OSTF1: variants seen among roughly 807,000 people sequenced by gnomAD.
OSTF1 encodes osteoclast stimulating factor 1.
In OSTF1, 27 loss-of-function variants were observed where a neutral mutation model predicts 37.2. That is an observed-to-expected ratio of 0.73 (90% confidence interval 0.54 to 1.00). The LOEUF (loss-of-function observed/expected upper bound fraction) is 1.00, where lower values mean the gene tolerates loss of function less well. Ranked by LOEUF, OSTF1 falls within the 50% of genes least tolerant of loss-of-function variation. OSTF1 has a pLI of 0.00. For missense variants in OSTF1, 232 were observed against 253.8 expected (o/e 0.91, Z 0.58); for synonymous variants, 82 against 89.2 (o/e 0.92, Z 0.46).
At chr9:75,090,632 GC>G (rs1461781348) in intron 1 of OSTF1, among the ~76,000 whole-genome samples, 1 of 151,950 alleles carries the variant, frequency 6.6e-6, no homozygotes, top group Non-Finnish European at 1.5e-5. Flanking sequence ...AAACATTACT[GC>G]CAATCAGAGT....
At chr9:75,136,593 C>T (rs921146943) in intron 7 of OSTF1, among the ~76,000 whole-genome samples, 41 of 152,170 alleles carry the variant, frequency 2.7e-4, no homozygotes, top group African/African-American at 9.6e-4. Flanking sequence ...GGTTTCACCA[C>T]GTTAGCCAGG....
chr9:75,120,621 A>G (rs561244751), intron 2 of OSTF1, among the ~76,000 whole-genome samples: 160 of 151,960 alleles, frequency 1.1e-3, no homozygotes, highest in Middle Eastern at 6.8e-3. Context: ...TTGCTTCCTC[A>G]TGACCTGGTT....
chr9:75,127,620 G>T lies in OSTF1; in HGVS notation c.132+1G>T. 11 of 1,541,532 alleles carry T rather than the reference G, an allele frequency of 7.1e-6. No homozygotes were observed. The highest frequency in any genetic ancestry group is 1.8e-5 in the Admixed American group (1 of 55,604). ...TGATATTATCTACATTACTGACATG[G>T]TAAGTCCAGATAACATCTTGTAATA... On this transcript the variant is annotated splice_donor_variant, in intron 3 of 9. Transcript: ENST00000346234. LOFTEE classifies it high-confidence loss of function.
intron 6 of OSTF1, 83 bp from the exon 7 acceptor site, chr9:75,134,259 ATCTC>A (rs1054928649): frequency 1.8e-6 from 1 of 564,900 alleles, no homozygotes. Context: ...CTTCTGAAGA[ATCTC>A]TCTTTTATAA....
At chr9:75,095,896 C>CTT (rs565056095) in intron 1 of OSTF1, among the ~76,000 whole-genome samples, 9 of 146,196 alleles carry the variant, frequency 6.2e-5, no homozygotes, top group Admixed American at 6.8e-5. Context: ...TGTGGCCCCC[C>CTT]TTTTTTTTTT....
chr9:75,094,996 C>A (rs890826550), intron 1 of OSTF1, among the ~76,000 whole-genome samples: 3 of 152,168 alleles, frequency 2.0e-5, no homozygotes, highest in African/African-American at 7.2e-5. Flanking sequence ...TGCCACTGCA[C>A]TCCAGCCTGG....
intron 9 of OSTF1, among the ~76,000 whole-genome samples, chr9:75,146,221 G>A (rs112434493): frequency 1.3e-5 from 2 of 152,042 alleles, no homozygotes; most frequent in African/African-American, 2.4e-5. Flanking sequence ...CTTTATTGTC[G>A]GTGTTTTCTA....
At chr9:75,127,678 C>A in intron 3 of OSTF1, 59 bp downstream of exon 3, 1 of 897,642 alleles carries the variant, frequency 1.1e-6, no homozygotes, top group Non-Finnish European at 1.8e-6. Flanking sequence ...GTAGCTATAA[C>A]ATTGTAAGTT....
chr9:75,089,463 G>T (rs1824905785), intron 1 of OSTF1, among the ~76,000 whole-genome samples: 1 of 151,962 alleles, frequency 6.6e-6, no homozygotes, highest in African/African-American at 2.4e-5. Flanking sequence ...GTTCATTTTT[G>T]CTCTGTTCTT....
At chr9:75,125,520 C>T (rs964080549) in intron 2 of OSTF1, among the ~76,000 whole-genome samples, 7 of 152,064 alleles carry the variant, frequency 4.6e-5, no homozygotes, top group African/African-American at 1.7e-4. Context: ...ATTACAAGGT[C>T]TAGTACATAT....
intron 6 of OSTF1, among the ~76,000 whole-genome samples, chr9:75,134,035 A>G (rs1825806491): frequency 6.6e-6 from 1 of 152,220 alleles, no homozygotes; most frequent in Non-Finnish European, 1.5e-5. Context: ...TCTACTAAAA[A>G]GAAGCCTATC....
In OSTF1 at chr9:75,140,924, A is replaced by G; in HGVS notation, c.578A>G (p.Gln193Arg). 3 of 1,606,450 alleles carry G rather than the reference A, an allele frequency of 1.9e-6. No homozygotes were observed. Among genetic ancestry groups the G allele is most frequent in the Non-Finnish European group, 2.6e-6 (3 of 1,173,160 alleles). Residue 193 changes from glutamine (Q) to arginine (R), a missense_variant, in exon 9 of 10, where the codon CAG becomes CGG. Transcript: ENST00000346234. ...TGTGCATCTCTCCTGAAAAAGAAAC[A>G]GGGAACAGGTATTTGTTTTAAATTC... ...AACASLLKKK[Q>R]GTDAVRTLSN...
chr9:75,131,683 C>G, intron 4 of OSTF1, 87 bp from the exon 5 acceptor site: 1 of 937,140 alleles, frequency 1.1e-6, no homozygotes, highest in Non-Finnish European at 1.8e-6. Context: ...ACTCCTGAAG[C>G]TGGGGGACTG....
intron 9 of OSTF1, among the ~76,000 whole-genome samples, chr9:75,146,189 TCCC>T (rs755078567): frequency 5.9e-5 from 9 of 152,190 alleles, no homozygotes; most frequent in African/African-American, 2.2e-4. Flanking sequence ...TTAAAACTTT[TCCC>T]CCCCATTTCA....
chr9:75,125,548 T>G (rs1825648521), intron 2 of OSTF1, among the ~76,000 whole-genome samples: 1 of 152,238 alleles, frequency 6.6e-6, no homozygotes, highest in South Asian at 2.1e-4. Context: ...TTTCCATAGT[T>G]TGTGCTATGT....
chr9:75,091,148 C>T (rs1824967769), intron 1 of OSTF1, among the ~76,000 whole-genome samples: 2 of 144,372 alleles, frequency 1.4e-5, no homozygotes, highest in African/African-American at 5.2e-5. Flanking sequence ...TGCAGTGGCG[C>T]GATCTCGGCT....
intron 1 of OSTF1, among the ~76,000 whole-genome samples, chr9:75,096,302 T>A (rs1343858180): frequency 6.6e-6 from 1 of 152,136 alleles, no homozygotes; most frequent in African/African-American, 2.4e-5. Context: ...GGGATTAGAG[T>A]TGGGGGATGG....
rs1020781993 is a variant in OSTF1, at chr9:75,147,235, G to A, written c.*494G>A. ...CGTTTCTGTGGTATCACTCATTGTC[G>A]TTAAGTAAGTAAAGCTTTTTATATT... On this transcript the variant is annotated 3_prime_UTR_variant, in exon 10 of 10. Transcript: ENST00000346234. The A allele has an allele frequency of 2.0e-5, 3 of 151,720 alleles. No homozygotes were observed. The highest frequency in any genetic ancestry group is 6.6e-5 in the Admixed American group (1 of 15,218). 9.4% of individuals were successfully genotyped at this position (151,720 alleles called of 1,614,324 possible).
chr9:75,105,816 C>G (rs1825274026), intron 1 of OSTF1, among the ~76,000 whole-genome samples: 1 of 152,158 alleles, frequency 6.6e-6, no homozygotes. Context: ...GTTGAAATTT[C>G]AAACCCCGCT....
Sources: allele counts gnomAD v4.1 joint callset (sites outside exome capture counted in the v4.1 genomes callset), GRCh38; gene constraint gnomAD v4.1.1; transcripts MANE v1.5; gene names NCBI Gene and HGNC (gene_info 2026-07-23, HGNC 2026-07-21).